The following CLEC16A variants were observed in gnomAD, a reference collection of about 807,000 sequenced individuals.
CLEC16A encodes protein CLEC16A.
Under a neutral mutation model 109.5 loss-of-function variants are expected in CLEC16A, and 51 were observed. That is an observed-to-expected ratio of 0.47 (90% CI 0.37 to 0.59). The LOEUF (loss-of-function observed/expected upper bound fraction) is 0.59. Ranked by LOEUF, CLEC16A falls within the 20% of genes least tolerant of loss-of-function variation. The pLI is 0.00. For missense variants in CLEC16A, 1,339 were observed against 1,394.0 expected (o/e 0.96, Z 0.63); for synonymous variants, 673 against 564.2 (o/e 1.19, Z -2.73).
intron 11 of CLEC16A, among the ~76,000 whole-genome samples, chr16:11,014,700 C>G (rs553411815): frequency 6.6e-6 from 1 of 152,340 alleles, no homozygotes; most frequent in Admixed American, 6.5e-5. Context: ...CTCAGTGCCT[C>G]AGTCCCGGCC....
chr16:10,949,045 G>C (rs1283712124), intron 1 of CLEC16A, among the ~76,000 whole-genome samples: 1 of 152,132 alleles, frequency 6.6e-6, no homozygotes, highest in Non-Finnish European at 1.5e-5. Flanking sequence ...CCTGGAGCAA[G>C]AGTGGGATTA....
intron 15 of CLEC16A, among the ~76,000 whole-genome samples, chr16:11,043,095 CAT>C (rs2047439677): frequency 2.0e-5 from 3 of 147,836 alleles, no homozygotes; most frequent in Admixed American, 6.7e-5. Flanking sequence ...CACACACACA[CAT>C]GCTTACAAAT....
In CLEC16A at chr16:10,979,270, T is replaced by C. The variant is rs376728534; in HGVS notation, c.904-59T>C. On this transcript the variant is annotated intron_variant, in intron 8 of 23. Transcript: ENST00000409790. ...CAGAAGGCTTTTGGCTTTGTGTATT[T>C]TGTGCTGCTCGCTTGTGTGACCTGA... 57 of 1,517,676 alleles carry C rather than the reference T, an allele frequency of 3.8e-5. No individual in the cohort carries two copies. The African/African-American group carries it at 7.4e-4, about 20-fold the overall frequency. The allele number at this position is 1,517,676 out of a possible 1,614,324, so 94.0% of individuals were successfully genotyped here.
intron 23 of CLEC16A, among the ~76,000 whole-genome samples, chr16:11,167,366 T>C (rs2068311606): frequency 6.6e-6 from 1 of 152,156 alleles, no homozygotes; most frequent in Admixed American, 6.5e-5. Context: ...AGATCCTTAG[T>C]ATCCTTCACT....
At chr16:11,093,604 T>C (rs1351241397) in intron 19 of CLEC16A, among the ~76,000 whole-genome samples, 1 of 152,146 alleles carries the variant, frequency 6.6e-6, no homozygotes, top group African/African-American at 2.4e-5. Context: ...TAAAGCAAAG[T>C]GGGCGTATTT....
intron 3 of CLEC16A, among the ~76,000 whole-genome samples, chr16:10,963,691 G>T (rs987464851): frequency 1.3e-5 from 2 of 152,194 alleles, no homozygotes; most frequent in African/African-American, 4.8e-5. Flanking sequence ...ACCCCTGAGA[G>T]GCAGGTGCCA....
chr16:10,991,701 T>G (rs992292178), intron 10 of CLEC16A, among the ~76,000 whole-genome samples: 1 of 152,238 alleles, frequency 6.6e-6, no homozygotes, highest in African/African-American at 2.4e-5. Flanking sequence ...GTGACAAGTC[T>G]CGGTACGGGA....
Position 11,147,856 on chromosome 16 carries a change from A to C in CLEC16A, c.2642-18532A>C, listed in dbSNP as rs550015658. ...TTTCCTTAAAGCAGTCCAAATGTAA[A>C]AAAAGAAGTTGGAACCTGCAACACA... is the stretch of plus-strand genomic sequence containing the variant. On this transcript the variant is annotated intron_variant, in intron 22 of 23. Coordinates refer to ENST00000409790, the MANE Select transcript of CLEC16A (RefSeq NM_015226.3). Among the ~76,000 whole-genome samples, 44 of 152,362 alleles carry C rather than the reference A, an allele frequency of 2.9e-4. No homozygotes were observed. The South Asian group carries it at 8.9e-3, about 31-fold the overall frequency.
At chr16:11,034,796 A>G (rs749406398) in intron 13 of CLEC16A, among the ~76,000 whole-genome samples, 3 of 152,230 alleles carry the variant, frequency 2.0e-5, no homozygotes, top group Admixed American at 6.5e-5. Context: ...TATATTATCC[A>G]CAGTGTTTAT....
intron 3 of CLEC16A, 32 bp downstream of exon 3, chr16:10,962,620 C>G: frequency 6.2e-7 from 1 of 1,609,730 alleles, no homozygotes; most frequent in Non-Finnish European, 8.5e-7. Flanking sequence ...TGCCTCTGTG[C>G]TGCTGTGCAT....
At chr16:11,175,649 T>G (rs1808326222) in intron 23 of CLEC16A, among the ~76,000 whole-genome samples, 1 of 152,238 alleles carries the variant, frequency 6.6e-6, no homozygotes, top group African/African-American at 2.4e-5. Context: ...GAAGAGGTTA[T>G]TTTTTCCCTA....
intron 19 of CLEC16A, among the ~76,000 whole-genome samples, chr16:11,117,232 A>C (rs965934522): frequency 6.6e-6 from 1 of 152,142 alleles, no homozygotes; most frequent in Non-Finnish European, 1.5e-5. Flanking sequence ...CAAAAAAAGA[A>C]AAAAATTACT....
In CLEC16A at chr16:11,178,792, C is replaced by A. The variant is rs1156963020; in HGVS notation, c.*102C>A. 17 of 864,492 alleles carry A rather than the reference C, an allele frequency of 2.0e-5. No individual in the cohort carries two copies. Among genetic ancestry groups the A allele is most frequent in the Non-Finnish European group, 2.7e-5 (16 of 583,454 alleles). The allele number at this position is 864,492 out of a possible 1,614,324, so 53.6% of individuals were successfully genotyped here. ...TGGGAGCACCCACCATTCTGTGCGG[C>A]CCCCAGCAGCCATCTCAACCACCTA... On this transcript the variant is annotated 3_prime_UTR_variant, in exon 24 of 24. Coordinates refer to ENST00000409790, the MANE Select transcript of CLEC16A (RefSeq NM_015226.3). This position sits in a 1 kb window ranked among gnomAD's most constrained non-coding sequence, Gnocchi z 6.5.
chr16:10,971,952 T>C (rs1180852675), intron 5 of CLEC16A, among the ~76,000 whole-genome samples: 1 of 152,208 alleles, frequency 6.6e-6, no homozygotes, highest in East Asian at 1.9e-4. Flanking sequence ...AAAATGTTAT[T>C]ACTCCCTAAT....
intron 22 of CLEC16A, among the ~76,000 whole-genome samples, chr16:11,161,022 A>T (rs567456891): frequency 1.3e-5 from 2 of 152,258 alleles, no homozygotes; most frequent in African/African-American, 2.4e-5. Context: ...TGTAACTGCA[A>T]CCGAAAGGGA....
intron 19 of CLEC16A, among the ~76,000 whole-genome samples, chr16:11,088,422 G>T (rs1253655906): frequency 1.3e-5 from 2 of 152,172 alleles, no homozygotes; most frequent in Non-Finnish European, 2.9e-5. Flanking sequence ...CATTATCTGT[G>T]TACCATCTTC....
intron 19 of CLEC16A, among the ~76,000 whole-genome samples, chr16:11,081,749 C>G (rs1263498096): frequency 6.6e-6 from 1 of 152,212 alleles, no homozygotes; most frequent in South Asian, 2.1e-4. Context: ...AGAGGCCTTT[C>G]TCCAGGAAAG....
chr16:11,055,995 G>A (rs2048193717), intron 18 of CLEC16A, among the ~76,000 whole-genome samples: 1 of 152,148 alleles, frequency 6.6e-6, no homozygotes. Flanking sequence ...AGAATGATGA[G>A]CAAATAATAT....
At chr16:11,064,841 A>C (rs1298869331) in intron 19 of CLEC16A, among the ~76,000 whole-genome samples, 1 of 152,238 alleles carries the variant, frequency 6.6e-6, no homozygotes, top group Non-Finnish European at 1.5e-5. Flanking sequence ...AAATGAGATC[A>C]CATGTAAAGC....
Sources: allele counts gnomAD v4.1 joint callset (sites outside exome capture counted in the v4.1 genomes callset), GRCh38; gene constraint gnomAD v4.1.1; non-coding constraint Gnocchi (gnomAD v3.1); transcripts MANE v1.5; gene names NCBI Gene and HGNC (gene_info 2026-07-23, HGNC 2026-07-21).